The following TRIM14 variants were observed in gnomAD, a reference collection of about 807,000 sequenced individuals.
The protein encoded by TRIM14 is tripartite motif containing 14.
A neutral mutation model predicts 44.5 loss-of-function variants in TRIM14; 28 were observed. The observed-to-expected ratio is 0.63, with a 90% CI of 0.47 to 0.86. The LOEUF (loss-of-function observed/expected upper bound fraction) is 0.86, where lower values mean the gene tolerates loss of function less well. Among genes scored for constraint, TRIM14 ranks in the 40% least tolerant of loss-of-function variants. The pLI, the probability that TRIM14 is intolerant of heterozygous loss-of-function variation, is 0.00. For synonymous variants in TRIM14, 299 were observed against 269.2 expected (o/e 1.11, Z -1.08); for missense variants, 607 against 611.1 (o/e 0.99, Z 0.07).
chr9:98,043,496 G>A, the TRIM14 span, among the ~76,000 whole-genome samples: 24 of 152,178 alleles, frequency 1.6e-4, no homozygotes, highest in Non-Finnish European at 2.9e-4. Context: ...ACAACTCTTA[G>A]GTGAAAAATC....
chr9:98,081,003 G>A (rs150891435), downstream of TRIM14: 104 of 1,614,190 alleles, frequency 6.4e-5, 4 homozygotes, highest in Middle Eastern at 2.0e-3. Flanking sequence ...GAGCTGGTGC[G>A]GTCAGTGCGT....
intron 1 of TRIM14, among the ~76,000 whole-genome samples, chr9:98,117,680 G>A (rs1305383572): frequency 1.3e-5 from 2 of 152,148 alleles, no homozygotes; most frequent in Non-Finnish European, 2.9e-5. Flanking sequence ...TGTAACTGCT[G>A]CTAATCAGAG....
Position 98,087,724 on chromosome 9 carries a change from G to C in TRIM14, c.1075C>G (p.Arg359Gly), listed in dbSNP as rs758182900. Reference protein sequence around the residue: ...ASAAARLGCNRQSWCLKRYDL... With the variant: ...ASAAARLGCNGQSWCLKRYDL... ...TAGCGCTTGAGGCACCAGGACTGGCGGTTGCAGCCCAGGCGGGCGGCGGCC... is the reference window on the plus strand; with the variant it reads ...TAGCGCTTGAGGCACCAGGACTGGCCGTTGCAGCCCAGGCGGGCGGCGGCC... Residue 359 changes from arginine (R) to glycine (G), a missense_variant, in exon 6 of 6, where the codon CGC becomes GGC. Arg to Gly is a moderately radical substitution (Grantham distance 125). Coordinates refer to ENST00000341469, the MANE Select transcript of TRIM14 (RefSeq NM_014788.4). 3.0e-5 allele frequency: 47 copies of C among 1,591,484 alleles called. No individual in the cohort carries two copies. Among genetic ancestry groups the C allele is most frequent in the Non-Finnish European group, 3.8e-5 (45 of 1,175,884 alleles).
intron 6 of TRIM14, chr9:98,069,834 G>GT (rs1448339973): frequency 6.6e-6 from 1 of 152,192 alleles, no homozygotes; most frequent in Non-Finnish European, 1.5e-5. Flanking sequence ...GACCGTGGCA[G>GT]TGCTCACATG....
rs772988781 is a variant in TRIM14, at chr9:98,078,207, A to G, written c.*29-8520T>C. The G allele has an allele frequency of 5.0e-6, 8 of 1,614,152 alleles. No individual in the cohort carries two copies. In the South Asian group the frequency reaches 6.6e-5, roughly 13 times the overall value. ...GGATTACTCAGGTCGCCCAATGGTG[A>G]TCTCCAGTGGGATGCAGTCAATGGA... On this transcript the variant is annotated intron_variant, in intron 6 of 6. Coordinates refer to the TRIM14 transcript ENST00000375098.
chr9:98,106,250 T>A (rs3780469), intron 2 of TRIM14, among the ~76,000 whole-genome samples: 41,873 of 152,206 alleles, frequency 0.28, 6,108 homozygotes, highest in Admixed American at 0.37. Flanking sequence ...TAACTCAAGC[T>A]ACATTAAAAG....
At chr9:98,117,276 T>TTTTATTTATTTA (rs55719181) in intron 1 of TRIM14, among the ~76,000 whole-genome samples, 133 of 147,636 alleles carry the variant, frequency 9.0e-4, no homozygotes, top group East Asian at 1.8e-3. Flanking sequence ...AGATTCTCTG[T>TTTTATTTATTTA]TTTATTTATT....
intron 6 of TRIM14, among the ~76,000 whole-genome samples, chr9:98,073,208 C>G (rs558965260): frequency 7.3e-4 from 110 of 151,372 alleles, no homozygotes; most frequent in Admixed American, 1.6e-3. Context: ...TGAGGCTGGC[C>G]CAGCCTATTT....
rs2118108123 is a variant in TRIM14 at position 98,084,518 on chromosome 9, A to C, written c.*2952T>G. On this transcript the variant is annotated 3_prime_UTR_variant, in exon 6 of 6. Transcript: ENST00000341469. ...GTAACCCTTACAGACATGGAAACCAAGGAAGCCTCATTCCTGTGCTGAGAA... is the reference window on the plus strand; with the variant it reads ...GTAACCCTTACAGACATGGAAACCACGGAAGCCTCATTCCTGTGCTGAGAA... 1 of 152,356 alleles carries C rather than the reference A, an allele frequency of 6.6e-6. No homozygotes were observed. The highest frequency in any genetic ancestry group is 1.9e-4 in the East Asian group (1 of 5,188). 9.4% of individuals were successfully genotyped at this position (152,356 alleles called of 1,614,324 possible).
chr9:98,082,321 A>G (rs750518298), downstream of TRIM14, among the ~76,000 whole-genome samples: 1 of 152,126 alleles, frequency 6.6e-6, no homozygotes, highest in Admixed American at 6.5e-5. Context: ...GGAGTTAAGA[A>G]TCTCATCCCT....
intron 1 of TRIM14, among the ~76,000 whole-genome samples, chr9:98,113,333 A>G (rs1826928244): frequency 1.3e-5 from 2 of 152,044 alleles, no homozygotes; most frequent in Admixed American, 1.3e-4. Flanking sequence ...ATTGGATGAT[A>G]GATAATATAC....
At chr9:98,054,696 G>T in the TRIM14 span, among the ~76,000 whole-genome samples, 1 of 152,192 alleles carries the variant, frequency 6.6e-6, no homozygotes, top group Non-Finnish European at 1.5e-5. Context: ...TATTGGGCTA[G>T]TAGTGCCCTG....
At chr9:98,040,454 T>C in the TRIM14 span, among the ~76,000 whole-genome samples, 1 of 151,634 alleles carries the variant, frequency 6.6e-6, no homozygotes, top group Non-Finnish European at 1.5e-5. Flanking sequence ...CTCTGTCTCC[T>C]GCTTGTTTCT....
At chr9:98,057,921 G>GTTTTT in the TRIM14 span, among the ~76,000 whole-genome samples, 8 of 87,462 alleles carry the variant, frequency 9.1e-5, no homozygotes, top group Admixed American at 7.8e-4. Context: ...TTTTTTTCCT[G>GTTTTT]GTTTTTTTTT....
chr9:98,043,226 G>A, the TRIM14 span, among the ~76,000 whole-genome samples: 1 of 150,862 alleles, frequency 6.6e-6, no homozygotes, highest in African/African-American at 2.5e-5. Context: ...TGCCCAGGCT[G>A]GAGTGCAATG....
At chr9:98,046,486 G>C in the TRIM14 span, among the ~76,000 whole-genome samples, 1 of 151,822 alleles carries the variant, frequency 6.6e-6, no homozygotes, top group Non-Finnish European at 1.5e-5. Context: ...TTGTTGCCCA[G>C]GCTGTAGTGC....
intron 2 of TRIM14, among the ~76,000 whole-genome samples, chr9:98,104,751 TGAAGCCCCGGTCAGG>T (rs1379028962): frequency 2.0e-5 from 3 of 152,134 alleles, no homozygotes; most frequent in African/African-American, 7.2e-5. Flanking sequence ...TGAACAGCCA[TGAAGCCCCGGTCAGG>T]GAAGGCTGGG....
intron 1 of TRIM14, among the ~76,000 whole-genome samples, chr9:98,111,732 G>T (rs1041108509): frequency 6.6e-6 from 1 of 152,154 alleles, no homozygotes; most frequent in African/African-American, 2.4e-5. Context: ...CTGAGGTCAG[G>T]GGTTCGAGAC....
chr9:98,076,817 TA>T, intron 6 of TRIM14: 1 of 911,016 alleles, frequency 1.1e-6, no homozygotes, highest in Non-Finnish European at 1.7e-6. Context: ...CTCTACTGCC[TA>T]AGATGAGGGG....
Sources: allele counts gnomAD v4.1 joint callset (sites outside exome capture counted in the v4.1 genomes callset), GRCh38; gene constraint gnomAD v4.1.1; transcripts MANE v1.5; gene names NCBI Gene and HGNC (gene_info 2026-07-23, HGNC 2026-07-21).